Variants in TP53INP2 observed in about 807,000 individuals in gnomAD.
TP53INP2 encodes the protein tumor protein p53-inducible nuclear protein 2.
Under a neutral mutation model 17.1 loss-of-function variants are expected in TP53INP2, and 12 were observed. That is an observed-to-expected ratio of 0.70 (90% CI 0.45 to 1.14). The LOEUF is 1.14. TP53INP2 is among the 50% of genes most tolerant of loss of function. The probability of loss-of-function intolerance (pLI) is 0.00; values close to 1 mark genes in which losing one functional copy is unlikely to be tolerated. For synonymous variants in TP53INP2, 145 were observed against 147.3 expected (o/e 0.98, Z 0.12); for missense variants, 342 against 330.9 (o/e 1.03, Z -0.26).
At chr20:34,708,982 G>A in intron 3 of TP53INP2, 119 bp downstream of exon 3, 1 of 1,466,864 alleles carries the variant, frequency 6.8e-7, no homozygotes, top group Non-Finnish European at 9.1e-7. Flanking sequence ...CTGGAGGTGG[G>A]GTCACGGGGC....
chr20:34,709,477 T>C lies in TP53INP2; in HGVS notation c.366T>C (p.Pro122=). 1.2e-6 allele frequency: 2 copies of C among 1,612,866 alleles called. No individual in the cohort carries two copies. Among genetic ancestry groups the C allele is most frequent in the Non-Finnish European group, 1.7e-6 (2 of 1,179,794 alleles). The change falls in exon 4 of 5, where the codon CCT becomes CCC. Residue 122 remains proline (P), a synonymous_variant. Coordinates refer to ENST00000374810, the MANE Select transcript of TP53INP2 (RefSeq NM_021202.3). The surrounding 1 kb of genome is among the most constrained non-coding windows in gnomAD (Gnocchi z 5.4). ...GSTIVLEPGS[P]SPLPDAALPD... ...CCATAGTGCTAGAGCCCGGGTCCCC[T>C]TCCCCGCTCCCGGACGCGGCCCTGC...
chr20:34,707,378 C>T (rs1182713583), intron 2 of TP53INP2, among the ~76,000 whole-genome samples: 2 of 152,194 alleles, frequency 1.3e-5, no homozygotes, highest in Non-Finnish European at 2.9e-5. Flanking sequence ...TATGGGATTT[C>T]TGCTGGCCAG....
chr20:34,712,312 A>AC lies in TP53INP2; in HGVS notation c.*2007dup. ...TGCCTACTCCTCACTGCCAGCTGGGACCTAGGCTCAGTCCTGTGTGGTGCC... is the reference window on the plus strand; with the variant it reads ...TGCCTACTCCTCACTGCCAGCTGGGACCCTAGGCTCAGTCCTGTGTGGTGCC... On this transcript the variant is annotated 3_prime_UTR_variant, in exon 5 of 5. Transcript: ENST00000374810. 1 of 152,604 alleles carries AC rather than the reference A, an allele frequency of 6.6e-6. No individual in the cohort carries two copies. The allele number at this position is 152,604 out of a possible 1,614,324, so 9.5% of individuals were successfully genotyped here.
chr20:34,705,264 C>T (rs1207901792), intron 1 of TP53INP2, 94 bp from the exon 2 acceptor site: 2 of 152,354 alleles, frequency 1.3e-5, no homozygotes, highest in South Asian at 2.1e-4. Flanking sequence ...TGGTAAGATA[C>T]ACATCCTCCT....
chr20:34,710,223 C>T lies in TP53INP2; in HGVS notation c.579C>T (p.Asn193=), dbSNP rs149291571. 6.3e-5 allele frequency: 94 copies of T among 1,488,654 alleles called. No homozygotes were observed. The African/African-American group carries it at 1.2e-3, about 19-fold the overall frequency. 92.2% of individuals were successfully genotyped at this position (1,488,654 alleles called of 1,614,324 possible). A position where few individuals can be genotyped will look rare whatever the true frequency, so the allele number is the denominator to read the frequency against. ...GCGCCAAGGCGGTGCAGCGGCAGAA[C>T]CGAGCCCGCGAGAGCCGTCCGCGCC... ...ALSAKAVQRQ[N]RARESRPRRS... is the part of the protein sequence containing the mutation. The change falls in exon 5 of 5, where the codon AAC becomes AAT. Residue 193 remains asparagine (N), a synonymous_variant. Coordinates refer to ENST00000374810, the MANE Select transcript of TP53INP2 (RefSeq NM_021202.3). This position sits in a 1 kb window ranked among gnomAD's most constrained non-coding sequence, Gnocchi z 4.9.
intron 1 of TP53INP2, among the ~76,000 whole-genome samples, chr20:34,705,066 A>C (rs1987977739): frequency 6.6e-6 from 1 of 152,210 alleles, no homozygotes; most frequent in Non-Finnish European, 1.5e-5. Context: ...ATTTGTGTGC[A>C]GCGCCTTAGC....
chr20:34,710,014 G>A lies in TP53INP2; in HGVS notation c.414-44G>A, dbSNP rs746761665. ...GATGGCAGCGCCCTCTAGACCCCCC[G>A]CCCAGCTTACCCGGCTTGACCGAGC... is the stretch of plus-strand genomic sequence containing the variant. On this transcript the variant is annotated intron_variant, in intron 4 of 4. Coordinates refer to ENST00000374810, the MANE Select transcript of TP53INP2 (RefSeq NM_021202.3). The surrounding 1 kb of genome is among the most constrained non-coding windows in gnomAD (Gnocchi z 4.9). 1.8e-6 allele frequency: 2 copies of A among 1,089,078 alleles called. No homozygotes were observed. Among genetic ancestry groups the A allele is most frequent in the Non-Finnish European group, 2.3e-6 (2 of 867,096 alleles). The allele number at this position is 1,089,078 out of a possible 1,614,324, so 67.5% of individuals were successfully genotyped here.
chr20:34,708,371 T>C (rs1031724968), intron 2 of TP53INP2, among the ~76,000 whole-genome samples: 1 of 152,210 alleles, frequency 6.6e-6, no homozygotes, highest in Non-Finnish European at 1.5e-5. Context: ...TAATTCTTAT[T>C]AGAGCCTGGA....
At chr20:34,707,083 G>A (rs529791218) in intron 2 of TP53INP2, among the ~76,000 whole-genome samples, 32 of 152,234 alleles carry the variant, frequency 2.1e-4, no homozygotes, top group Admixed American at 3.3e-4. Context: ...CCCAGGGAAG[G>A]ATTGGTTAAG....
At chr20:34,706,911 G>A (rs1289402560) in intron 2 of TP53INP2, among the ~76,000 whole-genome samples, 1 of 152,166 alleles carries the variant, frequency 6.6e-6, no homozygotes, top group Non-Finnish European at 1.5e-5. Flanking sequence ...TTAGGGAACA[G>A]GTGTGGAGAG....
Position 34,709,420 on chromosome 20 carries a change from C to G in TP53INP2, c.309C>G (p.His103Gln), listed in dbSNP as rs771885389. The change falls in exon 4 of 5, where the codon CAC becomes CAG. Residue 103 changes from histidine (H) to glutamine (Q), a missense_variant. Coordinates refer to ENST00000374810, the MANE Select transcript of TP53INP2 (RefSeq NM_021202.3). This position sits in a 1 kb window ranked among gnomAD's most constrained non-coding sequence, Gnocchi z 5.4. ...SSPLEDLLIE[H>Q]PSMSVYVTGS... ...CCCTGGAGGACCTCCTCATCGAGCACCCCAGCATGTCCGTTTACGTCACCG... is the reference window on the plus strand; with the variant it reads ...CCCTGGAGGACCTCCTCATCGAGCAGCCCAGCATGTCCGTTTACGTCACCG... 1.9e-6 allele frequency: 3 copies of G among 1,613,792 alleles called. No homozygotes were observed. The highest frequency in any genetic ancestry group is 2.5e-6 in the Non-Finnish European group (3 of 1,179,886).
At chr20:34,707,828 C>T (rs1988034749) in intron 2 of TP53INP2, among the ~76,000 whole-genome samples, 1 of 152,156 alleles carries the variant, frequency 6.6e-6, no homozygotes. Flanking sequence ...GACCAAGTTT[C>T]GCTCTGTCAC....
rs1324788083 is a variant in TP53INP2, at chr20:34,709,153, C to A, written c.125-83C>A. The A allele has an allele frequency of 1.8e-5, 26 of 1,418,474 alleles. No individual in the cohort carries two copies. The highest frequency in any genetic ancestry group is 2.4e-5 in the Non-Finnish European group (26 of 1,091,704). 87.9% of individuals were successfully genotyped at this position (1,418,474 alleles called of 1,614,324 possible). On this transcript the variant is annotated intron_variant, in intron 3 of 4. Transcript: ENST00000374810. This position sits in a 1 kb window ranked among gnomAD's most constrained non-coding sequence, Gnocchi z 5.4. ...ACGATGCCCTTTCTCTCCCCGCCCC[C>A]TTGTCCGGTGTGTGTGTGTGTGTGT...
rs1188055581 is a variant in TP53INP2, at chr20:34,708,690, G to A, written c.-49-1G>A. 3 of 1,540,928 alleles carry A rather than the reference G, an allele frequency of 1.9e-6. No homozygotes were observed. Among genetic ancestry groups the A allele is most frequent in the African/African-American group, 2.7e-5 (2 of 73,194 alleles). On this transcript the variant is annotated splice_acceptor_variant, in intron 2 of 4. Coordinates refer to ENST00000374810, the MANE Select transcript of TP53INP2 (RefSeq NM_021202.3). LOFTEE classifies it low-confidence loss of function (5UTR_SPLICE). Reference sequence around the variant, plus strand: ...GGCTCTCACGTCCTTCTGATTCCCAGGTTTTTGCACTGCCATAGGGCGCCC... The same window carrying A: ...GGCTCTCACGTCCTTCTGATTCCCAAGTTTTTGCACTGCCATAGGGCGCCC...
rs1237850880 is a variant in TP53INP2, at chr20:34,713,424, T to C, written c.*3117T>C. 6.6e-6 allele frequency: 1 copy of C among 152,590 alleles called. No homozygotes were observed. The highest frequency in any genetic ancestry group is 2.4e-5 in the African/African-American group (1 of 41,434). The allele number at this position is 152,590 out of a possible 1,614,324, so 9.5% of individuals were successfully genotyped here. On this transcript the variant is annotated 3_prime_UTR_variant, in exon 5 of 5. Coordinates refer to ENST00000374810, the MANE Select transcript of TP53INP2 (RefSeq NM_021202.3). ...ATATAAAGAAAAACAAATAAAAATA[T>C]ATTTAAAGCACATGATCCTTTCTGC...
At position 34,713,402 on chromosome 20, in the gene TP53INP2, T is replaced by C. The variant is rs1412877910; in HGVS notation, c.*3095T>C. ...CCTCTATGGGAGAAAAAAATTAATA[T>C]AAAGAAAAACAAATAAAAATATATT... On this transcript the variant is annotated 3_prime_UTR_variant, in exon 5 of 5. Transcript: ENST00000374810. The C allele has an allele frequency of 6.6e-6, 1 of 152,586 alleles. No individual in the cohort carries two copies. Among genetic ancestry groups the C allele is most frequent in the African/African-American group, 2.4e-5 (1 of 41,432 alleles). The allele number at this position is 152,586 out of a possible 1,614,324, so 9.5% of individuals were successfully genotyped here. A position where few individuals can be genotyped will look rare whatever the true frequency, so the allele number is the denominator to read the frequency against.
Position 34,709,628 on chromosome 20 carries a change from G to C in TP53INP2, c.413+104G>C, listed in dbSNP as rs1465248772. 8 of 1,449,400 alleles carry C rather than the reference G, an allele frequency of 5.5e-6. No individual in the cohort carries two copies. The East Asian group carries it at 1.7e-4, about 32-fold the overall frequency. 89.8% of individuals were successfully genotyped at this position (1,449,400 alleles called of 1,614,324 possible). On this transcript the variant is annotated intron_variant, in intron 4 of 4. Transcript: ENST00000374810. The surrounding 1 kb of genome is among the most constrained non-coding windows in gnomAD (Gnocchi z 5.4). ...TAGTGGGGCCAGGAGCCCGCCCCGC[G>C]CTCGAGGGGGTAGCGGCCTTGGGAG...
rs2146827137 is a variant in TP53INP2 at position 34,709,377 on chromosome 20, C to T, written c.266C>T (p.Ala89Val). ...GCAGAGGGGCCTGGACTCGGTCCCG[C>T]CCGCCTCCAGAGCAGTCCCCTGGAG... is the stretch of plus-strand genomic sequence containing the variant. The part of the protein sequence containing the change: ...FTAEGPGLGP[A>V]RLQSSPLEDL... The change falls in exon 4 of 5, where the codon GCC becomes GTC. Residue 89 changes from alanine (A) to valine (V), a missense_variant. Coordinates refer to ENST00000374810, the MANE Select transcript of TP53INP2 (RefSeq NM_021202.3). The surrounding 1 kb of genome is among the most constrained non-coding windows in gnomAD (Gnocchi z 5.4). 6.2e-7 allele frequency: 1 copy of T among 1,613,806 alleles called. No homozygotes were observed. Among genetic ancestry groups the T allele is most frequent in the Admixed American group, 1.7e-5 (1 of 60,030 alleles).
At position 34,704,363 on chromosome 20, in the gene TP53INP2, C is replaced by A. The variant is rs1035837854; in HGVS notation, c.-316C>A. ...GCGGCCGCACAGACTCAAAGCCCCG[C>A]GGGCGAGCTCAGCAGCCCGGAGCGA... is the stretch of plus-strand genomic sequence containing the variant. On this transcript the variant is annotated 5_prime_UTR_variant, in exon 1 of 5. Coordinates refer to ENST00000374810, the MANE Select transcript of TP53INP2 (RefSeq NM_021202.3). The A allele has an allele frequency of 6.6e-6, 1 of 152,086 alleles. No individual in the cohort carries two copies. Among genetic ancestry groups the A allele is most frequent in the Non-Finnish European group, 1.5e-5 (1 of 68,014 alleles). The allele number at this position is 152,086 out of a possible 1,614,324, so 9.4% of individuals were successfully genotyped here. A position where few individuals can be genotyped will look rare whatever the true frequency, so the allele number is the denominator to read the frequency against.
Sources: gnomAD v4.1 joint callset for allele counts (sites outside exome capture counted in the v4.1 genomes callset) on GRCh38, gnomAD v4.1.1 for gene constraint, Gnocchi (gnomAD v3.1) non-coding constraint, MANE v1.5 for transcripts, NCBI Gene and HGNC (gene_info 2026-07-23, HGNC 2026-07-21) for gene names.